NRROS: variants seen among roughly 807,000 people sequenced by gnomAD.
NRROS encodes transforming growth factor beta activator LRRC33.
NRROS carries 6 observed loss-of-function variants against 12.0 expected under a neutral mutation model. The observed-to-expected ratio is 0.50, with a 90% CI of 0.27 to 0.98. The LOEUF is 0.98. Among genes scored for constraint, NRROS ranks in the 50% least tolerant of loss-of-function variants. The pLI, the probability that NRROS is intolerant of heterozygous loss-of-function variation, is 0.11. For synonymous variants in NRROS, 462 were observed against 410.2 expected, an observed-to-expected ratio of 1.13 and a Z score of -1.53; for missense variants, 857 against 888.2, an observed-to-expected ratio of 0.96 and a Z score of 0.45.
intron 1 of NRROS, among the ~76,000 whole-genome samples, chr3:196,642,303 A>T (rs1201514975): frequency 2.0e-5 from 3 of 151,186 alleles, no homozygotes; most frequent in Non-Finnish European, 4.4e-5. Context: ...AAAAAAAAAA[A>T]GGATTTATTG....
intron 1 of NRROS, among the ~76,000 whole-genome samples, chr3:196,640,414 G>C (rs887067451): frequency 3.9e-5 from 6 of 152,204 alleles, no homozygotes; most frequent in Admixed American, 2.6e-4. Flanking sequence ...TATCACAGAT[G>C]CCGTCCACGT....
intron 1 of NRROS, among the ~76,000 whole-genome samples, chr3:196,646,100 C>T (rs1327686668): frequency 1.4e-5 from 2 of 147,556 alleles, no homozygotes; most frequent in Non-Finnish European, 3.0e-5. Flanking sequence ...CCTTTTCACA[C>T]ACACTGTCCC....
At chr3:196,658,085 A>G (rs1308644188) in intron 2 of NRROS, among the ~76,000 whole-genome samples, 2 of 152,230 alleles carry the variant, frequency 1.3e-5, no homozygotes, top group South Asian at 4.1e-4. Flanking sequence ...GCCACGAAGC[A>G]TTGGCCCTGG....
At chr3:196,651,500 C>T (rs1037157919) in intron 1 of NRROS, among the ~76,000 whole-genome samples, 1 of 152,042 alleles carries the variant, frequency 6.6e-6, no homozygotes, top group Non-Finnish European at 1.5e-5. Context: ...GGCACCATGA[C>T]TCACGCCTGT....
chr3:196,659,934 C>T lies in NRROS; in HGVS notation c.291C>T (p.Ser97=), dbSNP rs1335290104. The change falls in exon 3 of 3, where the codon AGC becomes AGT. Residue 97 remains serine (S), a synonymous_variant. Transcript: ENST00000328557. ...SLHSCHLERI[S]RGAFQEQGHL... The stretch of plus-strand genomic sequence containing the variant: ...ACAGCTGCCACCTGGAGCGCATCAG[C>T]CGCGGCGCCTTCCAGGAGCAAGGTC... 1 of 1,614,092 alleles carries T rather than the reference C, an allele frequency of 6.2e-7. No homozygotes were observed. Among genetic ancestry groups the T allele is most frequent in the East Asian group, 2.2e-5 (1 of 44,878 alleles).
chr3:196,644,060 G>T (rs1177216307), intron 1 of NRROS, among the ~76,000 whole-genome samples: 1 of 152,172 alleles, frequency 6.6e-6, no homozygotes, highest in Non-Finnish European at 1.5e-5. Context: ...CCGTTCTCTT[G>T]TTCTAGGTTA....
At position 196,639,960 on chromosome 3, in the gene NRROS, A is replaced by T. The variant is rs990332362; in HGVS notation, c.-14+85A>T. 7.9e-5 allele frequency: 12 copies of T among 152,474 alleles called. 1 individual carries two copies. The East Asian group carries it at 1.9e-3, about 25-fold the overall frequency. The allele number at this position is 152,474 out of a possible 1,614,324, so 9.4% of individuals were successfully genotyped here. A position where few individuals can be genotyped will look rare whatever the true frequency, so the allele number is the denominator to read the frequency against. ...GCGAGCTCGAGCGAGGTTGGGTGGT[A>T]GGAGGTCAGCGTCCGCGGCCCGCAG... On this transcript the variant is annotated intron_variant, in intron 1 of 2. Transcript: ENST00000328557.
intron 1 of NRROS, among the ~76,000 whole-genome samples, chr3:196,651,688 C>T (rs1055113616): frequency 6.6e-6 from 1 of 152,208 alleles, no homozygotes; most frequent in Non-Finnish European, 1.5e-5. Flanking sequence ...AATTGTTGAA[C>T]CCGGGAGGTG....
At chr3:196,649,549 G>A (rs970397429) in intron 1 of NRROS, among the ~76,000 whole-genome samples, 1 of 152,086 alleles carries the variant, frequency 6.6e-6, no homozygotes, top group African/African-American at 2.4e-5. Flanking sequence ...TCGGCTCACT[G>A]CAAGCTCCAC....
At position 196,654,139 on chromosome 3, in the gene NRROS, A is replaced by G. The variant is rs1489697574; in HGVS notation, c.-13-388A>G. On this transcript the variant is annotated intron_variant, in intron 1 of 2. Coordinates refer to ENST00000328557, the MANE Select transcript of NRROS (RefSeq NM_198565.3). This position sits in a 1 kb window ranked among gnomAD's most constrained non-coding sequence, Gnocchi z 4.4. ...CACTCAGCAAGTACTTACTGAGCTC[A>G]GGGGATGCATCAGACCGATTGGAGC... Among the ~76,000 whole-genome samples the G allele has an allele frequency of 2.6e-5, 4 of 152,156 alleles. No homozygotes were observed. The East Asian group carries it at 5.8e-4, about 22-fold the overall frequency.
chr3:196,656,779 G>A (rs940103120), intron 2 of NRROS, among the ~76,000 whole-genome samples: 7 of 152,130 alleles, frequency 4.6e-5, no homozygotes, highest in South Asian at 2.1e-4. Context: ...CAGTGGGCAG[G>A]AGTAGAGAAT....
chr3:196,656,099 A>G (rs1006015134), intron 2 of NRROS, among the ~76,000 whole-genome samples: 4 of 152,094 alleles, frequency 2.6e-5, no homozygotes, highest in African/African-American at 9.7e-5. Context: ...CCTGGGAGGC[A>G]GAGGTTGCAG....
chr3:196,660,458 G>A lies in NRROS; in HGVS notation c.815G>A (p.Ser272Asn), dbSNP rs373152462. ...TTCTTCCCGCTGCTGCCCCAGTACA[G>A]CAAGTTGCGGACCCTCCTGCTGCGC... ...LLFFPLLPQY[S>N]KLRTLLLRDN... Residue 272 changes from serine to asparagine, a missense_variant, in exon 3 of 3, where the codon AGC (serine) becomes AAC (asparagine). Physicochemically the swap from Ser to Asn is conservative, Grantham distance 46 (BLOSUM62 1). Transcript: ENST00000328557. This position sits in a 1 kb window ranked among gnomAD's most constrained non-coding sequence, Gnocchi z 7.7. 19 of 1,613,896 alleles carry A rather than the reference G, an allele frequency of 1.2e-5. No homozygotes were observed. The highest frequency in any genetic ancestry group is 1.6e-5 in the Non-Finnish European group (19 of 1,179,980).
rs1737494065 is a variant in NRROS, at chr3:196,654,478, T to C, written c.-13-49T>C. The C allele has an allele frequency of 3.7e-6, 4 of 1,087,028 alleles. No individual in the cohort carries two copies. The highest frequency in any genetic ancestry group is 5.7e-6 in the Non-Finnish European group (4 of 698,596). 67.3% of individuals were successfully genotyped at this position (1,087,028 alleles called of 1,614,324 possible). On this transcript the variant is annotated intron_variant, in intron 1 of 2. Transcript: ENST00000328557. This position sits in a 1 kb window ranked among gnomAD's most constrained non-coding sequence, Gnocchi z 4.4. ...CTTCTGCCGATAATACAAACAGCCC[T>C]CTGGGATGTCCTTCTCTGACTTACC...
chr3:196,643,078 A>G (rs942134725), intron 1 of NRROS, among the ~76,000 whole-genome samples: 129 of 150,352 alleles, frequency 8.6e-4, no homozygotes, highest in African/African-American at 3.0e-3. Flanking sequence ...TGTCTCAAAA[A>G]AAAAAAAAAA....
In NRROS at chr3:196,660,092, C is replaced by T. The variant is rs778535699; in HGVS notation, c.449C>T (p.Ala150Val). Residue 150 changes from alanine (A) to valine (V), a missense_variant, in exon 3 of 3, where the codon GCC becomes GTC. By Grantham distance (64) the Ala-to-Val change is moderately conservative. Coordinates refer to ENST00000328557, the MANE Select transcript of NRROS (RefSeq NM_198565.3). The surrounding 1 kb of genome is among the most constrained non-coding windows in gnomAD (Gnocchi z 7.7). ...AACGCCCTGACGGAGGACATGGCAGCCCTCATGCTCCAGAACCTCTCCTCG... is the reference window on the plus strand; with the variant it reads ...AACGCCCTGACGGAGGACATGGCAGTCCTCATGCTCCAGAACCTCTCCTCG... ...SGNALTEDMA[A>V]LMLQNLSSLR... 3 of 1,613,036 alleles carry T rather than the reference C, an allele frequency of 1.9e-6. No homozygotes were observed. The highest frequency in any genetic ancestry group is 1.3e-5 in the African/African-American group (1 of 74,928).
chr3:196,641,075 G>A (rs11719122), intron 1 of NRROS, among the ~76,000 whole-genome samples: 10,484 of 151,974 alleles, frequency 0.069, 480 homozygotes, highest in Middle Eastern at 0.1. Context: ...GTGCCCGAGA[G>A]TCCCTAAAGG....
intron 2 of NRROS, among the ~76,000 whole-genome samples, chr3:196,658,411 G>A (rs555662808): frequency 2.0e-5 from 3 of 152,126 alleles, no homozygotes; most frequent in Non-Finnish European, 4.4e-5. Context: ...TTTAATTATT[G>A]GAAGGTTTTA....
chr3:196,657,159 G>A (rs1413195402), intron 2 of NRROS, among the ~76,000 whole-genome samples: 6 of 150,900 alleles, frequency 4.0e-5, no homozygotes, highest in Non-Finnish European at 7.4e-5. Context: ...AGCTGAGATC[G>A]CGCCACTGCA....
Sources: gnomAD v4.1 joint callset for allele counts (sites outside exome capture counted in the v4.1 genomes callset) on GRCh38, gnomAD v4.1.1 for gene constraint, Gnocchi (gnomAD v3.1) non-coding constraint, MANE v1.5 for transcripts, NCBI Gene and HGNC (gene_info 2026-07-23, HGNC 2026-07-21) for gene names.